Variants in SMG1 observed in about 807,000 individuals in gnomAD.
SMG1 encodes the protein SMG1 nonsense mediated mRNA decay associated PI3K related kinase, also known as serine/threonine-protein kinase SMG1.
A neutral mutation model predicts 419.9 loss-of-function variants in SMG1; 22 were observed. The observed-to-expected ratio is 0.05, with a 90% confidence interval of 0.04 to 0.07. The LOEUF (loss-of-function observed/expected upper bound fraction) is 0.07, where lower values mean the gene tolerates loss of function less well. Among genes scored for constraint, SMG1 ranks in the 10% least tolerant of loss-of-function variants. The pLI is 1.00. For missense variants in SMG1, 3,185 were observed against 4,342.0 expected, an observed-to-expected ratio of 0.73 and a Z score of 7.49; for synonymous variants, 1,538 against 1,553.5, an observed-to-expected ratio of 0.99 and a Z score of 0.23.
intron 51 of SMG1, among the ~76,000 whole-genome samples, chr16:18,832,271 C>G (rs893472889): frequency 1.5e-4 from 23 of 152,202 alleles, no homozygotes; most frequent in African/African-American, 5.3e-4. Context: ...GGGATTAGCT[C>G]TGAGTACAAT....
chr16:18,914,545 G>A (rs774140057), intron 1 of SMG1, among the ~76,000 whole-genome samples: 8 of 152,034 alleles, frequency 5.3e-5, no homozygotes, highest in African/African-American at 1.7e-4. Flanking sequence ...TTAGCCAGGC[G>A]TGGTGGCAAT....
Position 18,845,642 on chromosome 16 carries a change from T to C in SMG1, c.6006A>G (p.Lys2002=). Residue 2002 remains lysine, a synonymous_variant, in exon 39 of 63, where the codon AAA becomes AAG. Transcript: ENST00000446231. ...TGTGCTTCTCCCTCATGATTGCAAT[T>C]TTCTCTTCTCTGACCAAGAAGACAT... The part of the protein sequence containing the change: ...QNNNTLRKEE[K]IAIMREKHTA... The C allele has an allele frequency of 6.2e-7, 1 of 1,609,396 alleles. No individual in the cohort carries two copies. The highest frequency in any genetic ancestry group is 8.5e-7 in the Non-Finnish European group (1 of 1,178,000).
At chr16:18,916,957 C>T (rs1310254683) in intron 1 of SMG1, among the ~76,000 whole-genome samples, 3 of 152,006 alleles carry the variant, frequency 2.0e-5, no homozygotes, top group Non-Finnish European at 4.4e-5. Flanking sequence ...TCCCAAAAGA[C>T]ACCATGGACC....
At chr16:18,856,329 ATTTTT>A (rs11365913) in intron 29 of SMG1, 1,265 of 84,718 alleles carry the variant, frequency 0.015, 36 homozygotes, top group African/African-American at 0.059. Flanking sequence ...CACCCAGGTG[ATTTTT>A]TTTTTTTTTT....
Position 18,866,709 on chromosome 16 carries a change from C to T in SMG1, c.3262G>A (p.Ala1088Thr), listed in dbSNP as rs757040020. ...EALCELHCPE[A>T]IQGIAVWSSS... Reference sequence around the variant, plus strand: ...GACCAGACAGCAATTCCCTGTATAGCTTCAGGACAATGAAGTTCACATAAT... The same window carrying T: ...GACCAGACAGCAATTCCCTGTATAGTTTCAGGACAATGAAGTTCACATAAT... The change falls in exon 23 of 63, where the codon GCT becomes ACT. Residue 1088 changes from alanine to threonine, a missense_variant. By Grantham distance (58) the Ala-to-Thr change is moderately conservative (BLOSUM62 0). Transcript: ENST00000446231. 22 of 1,596,074 alleles carry T rather than the reference C, an allele frequency of 1.4e-5. No individual in the cohort carries two copies. Among genetic ancestry groups the T allele is most frequent in the Non-Finnish European group, 1.8e-5 (21 of 1,178,464 alleles).
In SMG1 at chr16:18,815,557, A is replaced by G. The variant is rs2031927007; in HGVS notation, c.10397T>C (p.Ile3466Thr). ...GACTAATGTAAATAGAACTGTTTGA[A>G]TGTTGTCTTGCCATGATTTATATTC... The part of the protein sequence containing the change: ...LGEYKSWQDN[I>T]QTVLFTLVQA... The change falls in exon 59 of 63, where the codon ATT (isoleucine) becomes ACT (threonine). Residue 3466 changes from isoleucine to threonine, a missense_variant. Coordinates refer to ENST00000446231, the MANE Select transcript of SMG1 (RefSeq NM_015092.5). 1 of 1,613,880 alleles carries G rather than the reference A, an allele frequency of 6.2e-7. No individual in the cohort carries two copies. Among genetic ancestry groups the G allele is most frequent in the Non-Finnish European group, 8.5e-7 (1 of 1,179,888 alleles).
At chr16:18,903,040 G>A (rs1279194620) in intron 1 of SMG1, among the ~76,000 whole-genome samples, 12 of 152,024 alleles carry the variant, frequency 7.9e-5, no homozygotes, top group Non-Finnish European at 1.5e-4. Flanking sequence ...ACCCAAGCTG[G>A]TCTCGCACTC....
At chr16:18,864,756 C>T (rs532804606) in intron 23 of SMG1, among the ~76,000 whole-genome samples, 10 of 152,244 alleles carry the variant, frequency 6.6e-5, no homozygotes, top group East Asian at 3.9e-4. Context: ...GGATTTCAGG[C>T]GTGAACCACC....
rs200884737 is a variant in SMG1, at chr16:18,813,218, A to G, written c.10622-1091T>C. ...GATGGCTGGGTCAAATGGTATTTCTAGTTCTAGATCCCTGAGGAATCACCA... is the reference window on the plus strand; with the variant it reads ...GATGGCTGGGTCAAATGGTATTTCTGGTTCTAGATCCCTGAGGAATCACCA... On this transcript the variant is annotated intron_variant, in intron 60 of 62. Transcript: ENST00000446231. 2.0e-5 allele frequency among the ~76,000 whole-genome samples: 3 copies of G among 152,116 alleles called. No homozygotes were observed. In the East Asian group the frequency reaches 5.8e-4, roughly 29 times the overall value.
chr16:18,874,680 A>G (rs2036007726), intron 13 of SMG1, among the ~76,000 whole-genome samples: 1 of 149,450 alleles, frequency 6.7e-6, no homozygotes, highest in Non-Finnish European at 1.5e-5. Flanking sequence ...AGCCTGGCCA[A>G]CATGGTGAAA....
At position 18,816,288 on chromosome 16, in the gene SMG1, G is replaced by A; in HGVS notation, c.10302+14C>T. ...AGAGGGAGAGTAAATGTGTGTTCATGGTATTAGTCTTACCTTAGCCATAGC... is the reference window on the plus strand; with the variant it reads ...AGAGGGAGAGTAAATGTGTGTTCATAGTATTAGTCTTACCTTAGCCATAGC... On this transcript the variant is annotated intron_variant, in intron 58 of 62. Transcript: ENST00000446231. 6.3e-7 allele frequency: 1 copy of A among 1,591,694 alleles called. No homozygotes were observed. Among genetic ancestry groups the A allele is most frequent in the Non-Finnish European group, 8.6e-7 (1 of 1,162,138 alleles).
chr16:18,897,442 T>C (rs1244740691), intron 1 of SMG1, among the ~76,000 whole-genome samples: 2 of 152,210 alleles, frequency 1.3e-5, no homozygotes, highest in Non-Finnish European at 2.9e-5. Context: ...TCTTACCAAG[T>C]TATTTTCTAA....
At chr16:18,858,004 G>GT in intron 29 of SMG1, 166 bp downstream of exon 29, 1 of 485,062 alleles carries the variant, frequency 2.1e-6, no homozygotes. Context: ...ACCTTCTGGG[G>GT]TAAGACGGTG....
intron 6 of SMG1, among the ~76,000 whole-genome samples, chr16:18,885,988 T>C (rs1364215366): frequency 2.0e-5 from 3 of 151,964 alleles, no homozygotes; most frequent in African/African-American, 7.2e-5. Flanking sequence ...AAATTGAAAA[T>C]ATTTCACTCC....
intron 1 of SMG1, among the ~76,000 whole-genome samples, chr16:18,902,883 C>G (rs1176844878): frequency 6.6e-6 from 1 of 152,090 alleles, no homozygotes; most frequent in Non-Finnish European, 1.5e-5. Context: ...ACCCTGTCGC[C>G]CAGGCTAGAG....
Position 18,869,125 on chromosome 16 carries a change from C to T in SMG1, c.2812G>A (p.Asp938Asn). 1.2e-6 allele frequency: 2 copies of T among 1,611,570 alleles called. No homozygotes were observed. The highest frequency in any genetic ancestry group is 1.7e-6 in the Non-Finnish European group (2 of 1,179,510). Residue 938 changes from aspartate (D) to asparagine (N), a missense_variant, in exon 20 of 63, where the codon GAC (aspartate) becomes AAC (asparagine). This residue lies in a region of SMG1 where 70 missense variants were observed against 185.7 expected (regional missense o/e 0.38). Transcript: ENST00000446231. Reference sequence around the variant, plus strand: ...TTACCTTCAATTGTCTGGAAGGTGTCTTGAGCTCTGCCCAGTGGGGTTCTC... The same window carrying T: ...TTACCTTCAATTGTCTGGAAGGTGTTTTGAGCTCTGCCCAGTGGGGTTCTC... ...KLRTPLGRAQ[D>N]TFQTIEGIIR... is the part of the protein sequence containing the mutation.
Position 18,853,887 on chromosome 16 carries a change from CAG to C in SMG1, c.4484-22_4484-21del, listed in dbSNP as rs773511802. The C allele has an allele frequency of 8.2e-6, 13 of 1,589,776 alleles. No homozygotes were observed. Among genetic ancestry groups the C allele is most frequent in the East Asian group, 2.2e-5 (1 of 44,554 alleles). On this transcript the variant is annotated intron_variant, in intron 30 of 62. Transcript: ENST00000446231. ...ACTGGCCTACAGAAAACCACAAAGT[CAG>C]AACTTAGAACCTTTAAAAGCAAATG...
In SMG1 at chr16:18,909,666, T is replaced by C. The variant is rs185758562; in HGVS notation, c.93-12710A>G. Among the ~76,000 whole-genome samples the C allele has an allele frequency of 3.9e-5, 6 of 152,326 alleles. No homozygotes were observed. The East Asian group carries it at 1.2e-3, about 29-fold the overall frequency. On this transcript the variant is annotated intron_variant, in intron 1 of 62. Transcript: ENST00000446231. The stretch of plus-strand genomic sequence containing the variant: ...AGATATGGTCTCACAAATCAAATAC[T>C]GAAAAAGGAAGATGCCTTTCAAGAT...
At chr16:18,858,973 G>C (rs535228163) in intron 28 of SMG1, 49 bp downstream of exon 28, 2 of 1,039,152 alleles carry the variant, frequency 1.9e-6, no homozygotes, top group South Asian at 1.6e-5. Context: ...TTGTTCTACA[G>C]TAATGACCAT....
Sources: allele counts gnomAD v4.1 joint callset (sites outside exome capture counted in the v4.1 genomes callset), GRCh38; gene constraint gnomAD v4.1.1; regional missense constraint gnomAD v4.1.1; transcripts MANE v1.5; gene names NCBI Gene and HGNC (gene_info 2026-07-23, HGNC 2026-07-21).